The following ZFHX3 variants were observed in gnomAD, a reference collection of about 807,000 sequenced individuals.
The protein encoded by ZFHX3 is zinc finger homeobox protein 3.
Under a neutral mutation model 279.1 loss-of-function variants are expected in ZFHX3, and 42 were observed. The ratio of observed to expected loss-of-function variants is 0.15; its 90% CI spans 0.12 to 0.19. The LOEUF is 0.19. Ranked by LOEUF, ZFHX3 falls within the 10% of genes least tolerant of loss-of-function variation. The pLI, the probability that ZFHX3 is intolerant of heterozygous loss-of-function variation, is 1.00. For missense variants in ZFHX3, 4,981 were observed against 4,754.0 expected (o/e 1.05, Z -1.40); for synonymous variants, 2,293 against 1,957.8 (o/e 1.17, Z -4.52).
intron 1 of ZFHX3, among the ~76,000 whole-genome samples, chr16:73,764,068 A>G (rs2053900837): frequency 6.6e-6 from 1 of 152,170 alleles, no homozygotes. Context: ...TGACCTACAG[A>G]AACTGTGAGA....
chr16:73,691,795 G>C (rs933380347), intron 1 of ZFHX3, among the ~76,000 whole-genome samples: 2 of 152,092 alleles, frequency 1.3e-5, no homozygotes, highest in African/African-American at 4.8e-5. Flanking sequence ...AGTTATATAA[G>C]GTAGTCACTT....
Position 72,798,658 on chromosome 16 carries a change from C to G in ZFHX3, c.4024G>C (p.Gly1342Arg), listed in dbSNP as rs141100730. The G allele has an allele frequency of 6.2e-7, 1 of 1,611,940 alleles. No individual in the cohort carries two copies. The highest frequency in any genetic ancestry group is 2.2e-5 in the East Asian group (1 of 44,876). ...ILPSASTEQS[G>R]DLKPSPADPG... ...TCAGCAGGGGATGGTTTCAAATCTC[C>G]GCTTTGCTCTGTGCTTGCGGATGGC... The change falls in exon 9 of 10, where the codon GGA (glycine) becomes CGA (arginine). Residue 1342 changes from glycine to arginine, a missense_variant. By Grantham distance (125) the Gly-to-Arg change is moderately radical. Around this residue, in one of 7 missense-constraint regions of ZFHX3, gnomAD observed 1,751 missense variants for 1,770.0 expected, o/e 0.99. Transcript: ENST00000268489.
At chr16:73,358,905 A>G (rs116669233) in intron 3 of ZFHX3, among the ~76,000 whole-genome samples, 2,307 of 152,328 alleles carry the variant, frequency 0.015, 66 homozygotes, top group African/African-American at 0.052. Flanking sequence ...GGTAATAATA[A>G]GAGTCACCTT....
At chr16:72,873,797 A>C (rs1018485757) in intron 4 of ZFHX3, among the ~76,000 whole-genome samples, 1 of 152,130 alleles carries the variant, frequency 6.6e-6, no homozygotes, top group Non-Finnish European at 1.5e-5. Flanking sequence ...CTTGCTACCC[A>C]CCCCTCAGTC....
At chr16:73,212,949 A>G (rs2012072269) in intron 5 of ZFHX3, among the ~76,000 whole-genome samples, 1 of 152,236 alleles carries the variant, frequency 6.6e-6, no homozygotes, top group Non-Finnish European at 1.5e-5. Context: ...GCATGCGTGT[A>G]AACCCTTCGA....
At chr16:72,789,112 G>A (rs2035591343) in intron 9 of ZFHX3, 1 of 399,372 alleles carries the variant, frequency 2.5e-6, no homozygotes, top group African/African-American at 2.1e-5. Flanking sequence ...CAGGCTCAGA[G>A]CTGGACAACC....
chr16:73,718,301 C>T (rs1238611726), intron 1 of ZFHX3, among the ~76,000 whole-genome samples: 1 of 152,106 alleles, frequency 6.6e-6, no homozygotes, highest in Non-Finnish European at 1.5e-5. Context: ...ATCCCAGCTA[C>T]TCGGGAGGCT....
chr16:73,509,681 T>A (rs984045113), intron 2 of ZFHX3, among the ~76,000 whole-genome samples: 3 of 145,432 alleles, frequency 2.1e-5, no homozygotes, highest in African/African-American at 7.9e-5. Context: ...CCCACCACCA[T>A]GCCCGGCTGA....
At chr16:73,600,443 A>C (rs1331109457) in intron 2 of ZFHX3, among the ~76,000 whole-genome samples, 2 of 127,282 alleles carry the variant, frequency 1.6e-5, no homozygotes, top group Admixed American at 8.7e-5. Flanking sequence ...TTTGAGATGG[A>C]GTCTCGCTCT....
At chr16:72,865,878 C>A (rs895418263) in intron 4 of ZFHX3, among the ~76,000 whole-genome samples, 2 of 152,048 alleles carry the variant, frequency 1.3e-5, no homozygotes, top group African/African-American at 4.8e-5. Context: ...TGGAGTAGGG[C>A]TCCCCTTGCC....
chr16:73,530,998 G>A (rs1048863095), intron 2 of ZFHX3, among the ~76,000 whole-genome samples: 5 of 152,196 alleles, frequency 3.3e-5, no homozygotes, highest in Admixed American at 1.3e-4. Context: ...TGCTCCTAAC[G>A]GGAGAGATGA....
intron 2 of ZFHX3, among the ~76,000 whole-genome samples, chr16:73,663,644 T>G (rs895544300): frequency 5.9e-5 from 9 of 152,328 alleles, no homozygotes; most frequent in Middle Eastern, 6.8e-3. Flanking sequence ...AATGCATCCC[T>G]AAGACCCAGA....
chr16:73,168,211 T>TCTTTCTTTCTTTC (rs1967422435), intron 5 of ZFHX3, among the ~76,000 whole-genome samples: 46 of 95,310 alleles, frequency 4.8e-4, no homozygotes, highest in Admixed American at 4.6e-3. Flanking sequence ...GTTTCTTTTG[T>TCTTTCTTTCTTTC]TTTCTTTCTT....
At chr16:73,588,683 C>A (rs1384913651) in intron 2 of ZFHX3, among the ~76,000 whole-genome samples, 1 of 138,332 alleles carries the variant, frequency 7.2e-6, no homozygotes, top group Non-Finnish European at 1.5e-5. Flanking sequence ...GAGTGAGACT[C>A]GGTCTCAAAA....
At chr16:73,142,055 C>A (rs1290929680) in intron 6 of ZFHX3, among the ~76,000 whole-genome samples, 5 of 152,206 alleles carry the variant, frequency 3.3e-5, no homozygotes, top group Admixed American at 1.3e-4. Context: ...CATCACCCTG[C>A]CATCTGACAA....
rs2035885203 is a variant in ZFHX3 at position 72,795,895 on chromosome 16, C to T, written c.6787G>A (p.Ala2263Thr). 6.2e-7 allele frequency: 1 copy of T among 1,614,024 alleles called. No homozygotes were observed. Among genetic ancestry groups the T allele is most frequent in the Non-Finnish European group, 8.5e-7 (1 of 1,180,030 alleles). Residue 2263 changes from alanine to threonine, a missense_variant, in exon 9 of 10, where the codon GCC becomes ACC. Physicochemically the swap from Ala to Thr is moderately conservative, Grantham distance 58. Around this residue, in one of 7 missense-constraint regions of ZFHX3, gnomAD observed 177 missense variants for 244.2 expected, o/e 0.72. Coordinates refer to ENST00000268489, the MANE Select transcript of ZFHX3 (RefSeq NM_006885.4). ...QLRVLQDFFD[A>T]NAYPKDDEFE... is the part of the protein sequence containing the mutation. Reference sequence around the variant, plus strand: ...TCATCATCCTTTGGGTAAGCATTGGCATCGAAGAAGTCCTGTAAGACCCTC... The same window carrying T: ...TCATCATCCTTTGGGTAAGCATTGGTATCGAAGAAGTCCTGTAAGACCCTC...
At chr16:72,992,452 G>A (rs755526080) in intron 1 of ZFHX3, among the ~76,000 whole-genome samples, 1 of 152,128 alleles carries the variant, frequency 6.6e-6, no homozygotes, top group Admixed American at 6.5e-5. Flanking sequence ...CCCTGTAAAC[G>A]GATCTAATGT....
chr16:73,310,545 G>A (rs1005221938), intron 4 of ZFHX3, among the ~76,000 whole-genome samples: 1 of 151,920 alleles, frequency 6.6e-6, no homozygotes, highest in Non-Finnish European at 1.5e-5. Context: ...ACATTTTTTT[G>A]TTGTCACAAC....
At position 73,424,263 on chromosome 16, in the gene ZFHX3, G is replaced by C. The variant is rs145795854; in HGVS notation, c.-1291+31740C>G. Among the ~76,000 whole-genome samples, 21 of 152,268 alleles carry C rather than the reference G, an allele frequency of 1.4e-4. No homozygotes were observed. The East Asian group carries it at 4.1e-3, about 29-fold the overall frequency. On this transcript the variant is annotated intron_variant, in intron 3 of 17. Coordinates refer to the ZFHX3 transcript ENST00000641206. ...CTTCCTGACTCATTTGTAAAACAGA[G>C]GTAATGATACTTACTCTGTGGCATC...
Sources: gnomAD v4.1 joint callset for allele counts (sites outside exome capture counted in the v4.1 genomes callset) on GRCh38, gnomAD v4.1.1 for gene constraint, gnomAD v4.1.1 regional missense constraint, MANE v1.5 for transcripts, NCBI Gene and HGNC (gene_info 2026-07-23, HGNC 2026-07-21) for gene names.